Variants in DENND1A observed in about 807,000 individuals in gnomAD.
The protein encoded by DENND1A is DENN domain-containing protein 1A.
DENND1A carries 51 observed loss-of-function variants against 113.7 expected under a neutral mutation model. That is an observed-to-expected ratio of 0.45 (90% CI 0.36 to 0.57). The LOEUF (loss-of-function observed/expected upper bound fraction) is 0.57, where lower values mean the gene tolerates loss of function less well. Ranked by LOEUF, DENND1A falls within the 20% of genes least tolerant of loss-of-function variation. The pLI is 0.00. For synonymous variants in DENND1A, 565 were observed against 570.8 expected, an observed-to-expected ratio of 0.99 and a Z score of 0.14; for missense variants, 1,258 against 1,395.9, an observed-to-expected ratio of 0.90 and a Z score of 1.57.
At chr9:123,541,756 A>C (rs1338107090) in intron 13 of DENND1A, among the ~76,000 whole-genome samples, 2 of 152,248 alleles carry the variant, frequency 1.3e-5, no homozygotes, top group Non-Finnish European at 1.5e-5. Context: ...TGTGGAGGGC[A>C]GGAAAGATGC....
chr9:123,460,594 C>A (rs984106293), intron 13 of DENND1A, among the ~76,000 whole-genome samples: 1 of 152,232 alleles, frequency 6.6e-6, no homozygotes, highest in Non-Finnish European at 1.5e-5. Context: ...CACAGTTACC[C>A]ACAGTGGACC....
rs532063905 is a variant in DENND1A at position 123,394,346 on chromosome 9, G to T, written c.1632-6488C>A. 7.9e-5 allele frequency among the ~76,000 whole-genome samples: 12 copies of T among 152,200 alleles called. No homozygotes were observed. In the South Asian group the frequency reaches 2.5e-3, roughly 32 times the overall value. ...GGCATCTCCGAGAGGGGCAGGCACA[G>T]GGAACTCCATGTCCGGGTGGGGAGT... On this transcript the variant is annotated intron_variant, in intron 21 of 23. Coordinates refer to ENST00000394215, the MANE Select transcript of DENND1A (RefSeq NM_001352964.2).
chr9:123,494,127 T>C lies in DENND1A; in HGVS notation c.994-36230A>G, dbSNP rs2051643785. 3.3e-5 allele frequency among the ~76,000 whole-genome samples: 5 copies of C among 152,206 alleles called. No individual in the cohort carries two copies. The South Asian group carries it at 1.0e-3, about 32-fold the overall frequency. On this transcript the variant is annotated intron_variant, in intron 13 of 23. Coordinates refer to ENST00000394215, the MANE Select transcript of DENND1A (RefSeq NM_001352964.2). ...TCAGGGTCTCTCAAATGACAGCTGC[T>C]TCACTGTCAGGCGTTTTCATGTCAC...
chr9:123,814,326 C>T (rs1837113333), intron 2 of DENND1A, among the ~76,000 whole-genome samples: 1 of 152,074 alleles, frequency 6.6e-6, no homozygotes, highest in Non-Finnish European at 1.5e-5. Flanking sequence ...ATCCAGCCAT[C>T]TATTGGAACC....
At chr9:123,704,966 C>A (rs1320782206) in intron 5 of DENND1A, among the ~76,000 whole-genome samples, 1 of 151,698 alleles carries the variant, frequency 6.6e-6, no homozygotes, top group African/African-American at 2.4e-5. Context: ...GTATTCTAAT[C>A]AAATTTCCAG....
intron 19 of DENND1A, among the ~76,000 whole-genome samples, chr9:123,439,448 T>G (rs977482525): frequency 6.6e-6 from 1 of 152,230 alleles, no homozygotes; most frequent in African/African-American, 2.4e-5. Context: ...TGGTGCATAG[T>G]AGGCACCTGA....
At chr9:123,907,038 G>A (rs1852967610) in intron 1 of DENND1A, among the ~76,000 whole-genome samples, 1 of 151,224 alleles carries the variant, frequency 6.6e-6, no homozygotes, top group African/African-American at 2.4e-5. Flanking sequence ...TCCCTGGCAT[G>A]CAAGGCTGGT....
At chr9:123,426,012 C>T (rs559832559) in intron 19 of DENND1A, among the ~76,000 whole-genome samples, 1 of 152,196 alleles carries the variant, frequency 6.6e-6, no homozygotes, top group African/African-American at 2.4e-5. Flanking sequence ...GGACTCTGCC[C>T]AGGGCAGGGG....
At chr9:123,414,644 G>A in intron 19 of DENND1A, 1 of 1,535,974 alleles carries the variant, frequency 6.5e-7, no homozygotes, top group Non-Finnish European at 8.8e-7. Context: ...ACCCAAACCA[G>A]GCAAAAACCT....
At chr9:123,635,627 T>C (rs2061665643) in intron 9 of DENND1A, among the ~76,000 whole-genome samples, 1 of 152,160 alleles carries the variant, frequency 6.6e-6, no homozygotes, top group South Asian at 2.1e-4. Context: ...TGACAGAAAA[T>C]AATCATTTTT....
At chr9:123,903,539 G>C (rs1010136045) in intron 1 of DENND1A, among the ~76,000 whole-genome samples, 32 of 152,096 alleles carry the variant, frequency 2.1e-4, no homozygotes, top group African/African-American at 7.2e-4. Context: ...CTGAAGCAGG[G>C]TGAGGCATTG....
At chr9:123,414,645 G>A (rs552260047) in intron 19 of DENND1A, 1,661 of 1,537,116 alleles carry the variant, frequency 1.1e-3, no homozygotes, top group Non-Finnish European at 1.3e-3. Flanking sequence ...CCCAAACCAG[G>A]CAAAAACCTA....
At chr9:123,475,754 T>C (rs966529668) in intron 13 of DENND1A, among the ~76,000 whole-genome samples, 4 of 152,234 alleles carry the variant, frequency 2.6e-5, no homozygotes, top group African/African-American at 9.7e-5. Flanking sequence ...GACTAATGAT[T>C]GTTTTAAGTA....
chr9:123,707,679 T>C (rs930168186), intron 5 of DENND1A, among the ~76,000 whole-genome samples: 1 of 151,760 alleles, frequency 6.6e-6, no homozygotes, highest in African/African-American at 2.4e-5. Context: ...TTCAGAGGGG[T>C]GGTGGGAGTG....
intron 1 of DENND1A, among the ~76,000 whole-genome samples, chr9:123,921,136 GTTT>G (rs1480127973): frequency 2.0e-5 from 3 of 152,110 alleles, no homozygotes; most frequent in Admixed American, 2.0e-4. Flanking sequence ...CATACTTGCT[GTTT>G]TTTAACTTGT....
intron 8 of DENND1A, among the ~76,000 whole-genome samples, chr9:123,664,901 A>C (rs1434554865): frequency 6.6e-6 from 1 of 152,132 alleles, no homozygotes; most frequent in African/African-American, 2.4e-5. Flanking sequence ...TCATAGCCAG[A>C]GTATGCCTCT....
At chr9:123,615,576 A>G (rs1362978818) in intron 10 of DENND1A, among the ~76,000 whole-genome samples, 1 of 152,166 alleles carries the variant, frequency 6.6e-6, no homozygotes, top group Admixed American at 6.5e-5. Flanking sequence ...AGCTCATCTC[A>G]GTCACATGGT....
intron 5 of DENND1A, among the ~76,000 whole-genome samples, chr9:123,740,908 G>GAGAGAGAA (rs2068961802): frequency 9.2e-6 from 1 of 109,030 alleles, no homozygotes; most frequent in African/African-American, 3.4e-5. Context: ...GTGAGAGAGA[G>GAGAGAGAA]AGAGAGAGAG....
At chr9:123,622,225 G>T (rs1448560047) in intron 10 of DENND1A, among the ~76,000 whole-genome samples, 2 of 152,194 alleles carry the variant, frequency 1.3e-5, no homozygotes, top group Non-Finnish European at 2.9e-5. Flanking sequence ...GGAAAAGCAT[G>T]AGCTTGTCTT....
Sources: gnomAD v4.1 joint callset for allele counts (sites outside exome capture counted in the v4.1 genomes callset) on GRCh38, gnomAD v4.1.1 for gene constraint, MANE v1.5 for transcripts, NCBI Gene and HGNC (gene_info 2026-07-23, HGNC 2026-07-21) for gene names.